The following STARD13 variants were observed in gnomAD, a reference collection of about 807,000 sequenced individuals.
STARD13 encodes the protein stAR-related lipid transfer protein 13.
Under a neutral mutation model 106.4 loss-of-function variants are expected in STARD13, and 62 were observed. The ratio of observed to expected loss-of-function variants is 0.58; its 90% CI spans 0.48 to 0.72. The LOEUF (loss-of-function observed/expected upper bound fraction) is 0.72. STARD13 is among the 30% of genes least tolerant of loss of function. The pLI is 0.00. For missense variants in STARD13, 1,387 were observed against 1,424.0 expected (o/e 0.97, Z 0.42); for synonymous variants, 565 against 553.0 (o/e 1.02, Z -0.31).
chr13:33,141,991 T>C (rs1169535393), intron 4 of STARD13, among the ~76,000 whole-genome samples: 1 of 152,220 alleles, frequency 6.6e-6, no homozygotes, highest in African/African-American at 2.4e-5. Context: ...AGAATACACA[T>C]GGATGGTCAG....
At chr13:33,257,152 A>T (rs993055779) in intron 1 of STARD13, among the ~76,000 whole-genome samples, 1 of 152,224 alleles carries the variant, frequency 6.6e-6, no homozygotes, top group African/African-American at 2.4e-5. Context: ...TGACATATAG[A>T]ACTGGAAAAA....
chr13:33,141,107 T>C (rs948076914), intron 4 of STARD13, among the ~76,000 whole-genome samples: 3 of 152,172 alleles, frequency 2.0e-5, no homozygotes, highest in African/African-American at 4.8e-5. Context: ...TCCTTCAAAA[T>C]ATATGGAGGC....
At chr13:33,601,365 A>C in the STARD13 span, among the ~76,000 whole-genome samples, 1 of 152,202 alleles carries the variant, frequency 6.6e-6, no homozygotes, top group East Asian at 1.9e-4. Context: ...CAACTCAAAG[A>C]AGGTTCACAT....
intron 1 of STARD13, among the ~76,000 whole-genome samples, chr13:33,320,410 T>G (rs1893512966): frequency 6.6e-6 from 1 of 152,264 alleles, no homozygotes; most frequent in Admixed American, 6.5e-5. Flanking sequence ...AGGGATTAGC[T>G]AACTAGCATA....
chr13:33,213,735 C>T (rs1009604479), intron 1 of STARD13, among the ~76,000 whole-genome samples: 7 of 152,168 alleles, frequency 4.6e-5, no homozygotes, highest in Non-Finnish European at 8.8e-5. Context: ...GATTGATTAC[C>T]CTAATTCTGT....
chr13:33,512,483 T>C, the STARD13 span, among the ~76,000 whole-genome samples: 1 of 152,240 alleles, frequency 6.6e-6, no homozygotes, highest in East Asian at 1.9e-4. Context: ...TTTCTTTTTT[T>C]TGAGGCGAAG....
intron 1 of STARD13, among the ~76,000 whole-genome samples, chr13:33,195,645 T>A (rs1566066063): frequency 6.6e-6 from 1 of 152,186 alleles, no homozygotes; most frequent in South Asian, 2.1e-4. Context: ...TCGTAAAGCA[T>A]GTCTTGAGAT....
intron 2 of STARD13, 147 bp downstream of exon 2, chr13:33,167,404 T>A: frequency 1.4e-6 from 1 of 696,660 alleles, no homozygotes; most frequent in Non-Finnish European, 2.4e-6. Context: ...GGATAACCCC[T>A]GGGCATAGCA....
the STARD13 span, among the ~76,000 whole-genome samples, chr13:33,429,607 T>C: frequency 7.9e-5 from 12 of 152,066 alleles, no homozygotes; most frequent in Non-Finnish European, 1.6e-4. Flanking sequence ...ACCCTGCCAT[T>C]TGCAACAACA....
intron 3 of STARD13, among the ~76,000 whole-genome samples, chr13:33,161,768 A>C (rs534429814): frequency 6.4e-4 from 98 of 152,294 alleles, no homozygotes; most frequent in African/African-American, 2.2e-3. Flanking sequence ...CGAGACTGGG[A>C]AGAAAAAGAG....
downstream of STARD13, among the ~76,000 whole-genome samples, chr13:33,346,986 A>G (rs2078024218): frequency 6.6e-6 from 1 of 152,166 alleles, no homozygotes; most frequent in Non-Finnish European, 1.5e-5. Flanking sequence ...TCCATTGACT[A>G]AGTATAGTAA....
chr13:33,357,382 T>C, the STARD13 span, among the ~76,000 whole-genome samples: 1 of 152,184 alleles, frequency 6.6e-6, no homozygotes, highest in Non-Finnish European at 1.5e-5. Context: ...TAGAGGAAAA[T>C]CTTCTGGAGA....
At chr13:33,509,488 C>A in the STARD13 span, among the ~76,000 whole-genome samples, 1 of 152,182 alleles carries the variant, frequency 6.6e-6, no homozygotes, top group Admixed American at 6.6e-5. Flanking sequence ...CAATTCTACT[C>A]CAAAAGCCAT....
At chr13:33,664,950 C>A in the STARD13 span, among the ~76,000 whole-genome samples, 7 of 152,330 alleles carry the variant, frequency 4.6e-5, no homozygotes, top group Admixed American at 4.6e-4. Context: ...CTTTTACTTA[C>A]CTTACTCATC....
the STARD13 span, among the ~76,000 whole-genome samples, chr13:33,653,041 G>A: frequency 1.1e-4 from 16 of 152,074 alleles, no homozygotes; most frequent in African/African-American, 3.6e-4. Context: ...CAAGTTAATG[G>A]AGAGATATCT....
the STARD13 span, among the ~76,000 whole-genome samples, chr13:33,620,939 A>G: frequency 2.6e-5 from 4 of 151,958 alleles, no homozygotes; most frequent in South Asian, 2.1e-4. Flanking sequence ...TTTTGAATTA[A>G]GTAATAATGA....
At chr13:33,397,156 G>A in the STARD13 span, among the ~76,000 whole-genome samples, 1 of 152,162 alleles carries the variant, frequency 6.6e-6, no homozygotes, top group Admixed American at 6.5e-5. Context: ...TGAGTACTGA[G>A]CAACAATTTT....
chr13:33,406,582 A>G, the STARD13 span, among the ~76,000 whole-genome samples: 9 of 152,346 alleles, frequency 5.9e-5, no homozygotes, highest in East Asian at 1.7e-3. Context: ...ACTCATGGCC[A>G]ACAGCACTGT....
chr13:33,159,216 T>G (rs987287108), intron 3 of STARD13, among the ~76,000 whole-genome samples: 1 of 152,166 alleles, frequency 6.6e-6, no homozygotes, highest in African/African-American at 2.4e-5. Flanking sequence ...ACAGGTCATG[T>G]GCTCTACAAG....
Sources: allele counts gnomAD v4.1 joint callset (sites outside exome capture counted in the v4.1 genomes callset), GRCh38; gene constraint gnomAD v4.1.1; transcripts MANE v1.5; gene names NCBI Gene and HGNC (gene_info 2026-07-23, HGNC 2026-07-21).